The following TBC1D5 variants were observed in gnomAD, a reference collection of about 807,000 sequenced individuals.
TBC1D5 encodes TBC1 domain family member 5.
A neutral mutation model predicts 100.3 loss-of-function variants in TBC1D5; 75 were observed. The observed-to-expected ratio is 0.75, with a 90% confidence interval of 0.62 to 0.91. The LOEUF (loss-of-function observed/expected upper bound fraction) is 0.91, where lower values mean the gene tolerates loss of function less well. Among genes scored for constraint, TBC1D5 ranks in the 40% least tolerant of loss-of-function variants. TBC1D5 has a pLI of 0.00. For synonymous variants in TBC1D5, 323 were observed against 325.6 expected (o/e 0.99, Z 0.09); for missense variants, 910 against 942.4 (o/e 0.97, Z 0.45).
intron 1 of TBC1D5, among the ~76,000 whole-genome samples, chr3:17,719,878 T>C (rs1190804362): frequency 6.6e-6 from 1 of 152,226 alleles, no homozygotes; most frequent in African/African-American, 2.4e-5. Context: ...GTGTCTTTTC[T>C]AATCCTATGT....
chr3:17,527,115 AGTTCGCATAT>A (rs1322158302), intron 2 of TBC1D5, among the ~76,000 whole-genome samples: 2 of 152,232 alleles, frequency 1.3e-5, no homozygotes, highest in Admixed American at 1.3e-4. Context: ...AAGGATAAAG[AGTTCGCATAT>A]CAAGTAGCAA....
At chr3:17,729,803 C>T (rs1251086794) in intron 1 of TBC1D5, among the ~76,000 whole-genome samples, 5 of 151,850 alleles carry the variant, frequency 3.3e-5, no homozygotes, top group East Asian at 3.9e-4. Context: ...ACAAAGGTCA[C>T]TTTTTAAAAT....
chr3:17,432,832 C>T (rs1559874446), intron 3 of TBC1D5, among the ~76,000 whole-genome samples: 1 of 152,174 alleles, frequency 6.6e-6, no homozygotes, highest in Non-Finnish European at 1.5e-5. Flanking sequence ...CAGAAAGCAG[C>T]ATGACATCAG....
At chr3:17,707,097 A>T (rs967193627) in intron 1 of TBC1D5, among the ~76,000 whole-genome samples, 1 of 152,002 alleles carries the variant, frequency 6.6e-6, no homozygotes, top group Non-Finnish European at 1.5e-5. Context: ...TATAAATGTA[A>T]TTTTCACCTA....
At chr3:17,352,232 C>T (rs1002767533) in intron 13 of TBC1D5, among the ~76,000 whole-genome samples, 2 of 151,972 alleles carry the variant, frequency 1.3e-5, no homozygotes, top group African/African-American at 4.8e-5. Context: ...AAGATGTTAT[C>T]GGGGCATTAT....
chr3:17,694,801 T>A (rs1162481789), intron 1 of TBC1D5, among the ~76,000 whole-genome samples: 1 of 152,142 alleles, frequency 6.6e-6, no homozygotes, highest in Non-Finnish European at 1.5e-5. Context: ...ATTGTCAGAT[T>A]CACTAAGGTT....
At chr3:17,705,692 C>T (rs1270046469) in intron 1 of TBC1D5, among the ~76,000 whole-genome samples, 4 of 137,650 alleles carry the variant, frequency 2.9e-5, no homozygotes, top group African/African-American at 8.2e-5. Context: ...GATGTGATGG[C>T]GGCTGGGAAG....
At chr3:17,441,740 T>C (rs1053724882) in intron 3 of TBC1D5, among the ~76,000 whole-genome samples, 4 of 152,264 alleles carry the variant, frequency 2.6e-5, no homozygotes, top group African/African-American at 9.6e-5. Context: ...ATCATTTCAA[T>C]GGTGGTAAAA....
intron 18 of TBC1D5, among the ~76,000 whole-genome samples, chr3:17,213,012 T>A (rs1441578637): frequency 6.6e-6 from 1 of 152,178 alleles, no homozygotes; most frequent in Non-Finnish European, 1.5e-5. Flanking sequence ...ATTCACTCAC[T>A]GCTCACTCAC....
chr3:17,612,293 C>T (rs1455706186), intron 2 of TBC1D5, among the ~76,000 whole-genome samples: 23 of 142,356 alleles, frequency 1.6e-4, no homozygotes, highest in Admixed American at 1.3e-3. Flanking sequence ...GACTAAGACA[C>T]CGTCTCAAAA....
At chr3:17,646,955 A>G (rs962513304) in intron 1 of TBC1D5, 1 of 152,084 alleles carries the variant, frequency 6.6e-6, no homozygotes, top group East Asian at 1.9e-4. Flanking sequence ...GTCCATGCAT[A>G]CATACCCACT....
chr3:17,597,312 T>C (rs1199693495), intron 2 of TBC1D5, among the ~76,000 whole-genome samples: 3 of 152,180 alleles, frequency 2.0e-5, no homozygotes, highest in Non-Finnish European at 4.4e-5. Flanking sequence ...TTGATATTTA[T>C]ATGGAGTATC....
upstream of TBC1D5, among the ~76,000 whole-genome samples, chr3:17,742,128 A>C (rs909082144): frequency 1.3e-5 from 2 of 152,144 alleles, no homozygotes; most frequent in African/African-American, 2.4e-5. Flanking sequence ...GGGGCAGGGA[A>C]AGCAGGCAGA....
rs149535626 is a variant in TBC1D5, at chr3:17,532,949, C to T, written c.-35-24344G>A. ...CATGTATACATATGTAACAAACCTG[C>T]ACGTTGTGCACATGTACCCTAAAAC... On this transcript the variant is annotated intron_variant, in intron 2 of 21. Coordinates refer to ENST00000253692, the Ensembl canonical transcript of TBC1D5. Among the ~76,000 whole-genome samples the T allele has an allele frequency of 4.9e-3, 738 of 151,846 alleles. 2 individuals are homozygous for T. Among genetic ancestry groups the T allele is most frequent in the African/African-American group, 0.017 (695 of 41,350 alleles).
intron 18 of TBC1D5, among the ~76,000 whole-genome samples, chr3:17,212,665 T>C (rs1264965834): frequency 6.6e-6 from 1 of 152,106 alleles, no homozygotes; most frequent in African/African-American, 2.4e-5. Context: ...ATGATACTGA[T>C]GATCCTGACC....
chr3:17,470,391 C>G (rs1376741842), intron 3 of TBC1D5, among the ~76,000 whole-genome samples: 3 of 152,066 alleles, frequency 2.0e-5, no homozygotes, highest in Non-Finnish European at 4.4e-5. Flanking sequence ...AATAAAAACA[C>G]TATATGCAAA....
intron 18 of TBC1D5, among the ~76,000 whole-genome samples, chr3:17,186,999 T>C (rs1318079914): frequency 6.6e-6 from 1 of 152,144 alleles, no homozygotes; most frequent in African/African-American, 2.4e-5. Flanking sequence ...TAGACAAGGA[T>C]GGGGCATTTC....
intron 2 of TBC1D5, among the ~76,000 whole-genome samples, chr3:17,540,014 T>C (rs2096332737): frequency 6.6e-6 from 1 of 152,238 alleles, no homozygotes; most frequent in African/African-American, 2.4e-5. Context: ...ATATTATTGT[T>C]TGATGTTGAT....
chr3:17,391,690 T>C (rs1040846457), intron 8 of TBC1D5, among the ~76,000 whole-genome samples: 2 of 151,336 alleles, frequency 1.3e-5, no homozygotes, highest in African/African-American at 4.9e-5. Flanking sequence ...CAAAAGACAA[T>C]CTGCAAAGAG....
Sources: allele counts gnomAD v4.1 joint callset (sites outside exome capture counted in the v4.1 genomes callset), GRCh38; gene constraint gnomAD v4.1.1; transcripts MANE v1.5; gene names NCBI Gene and HGNC (gene_info 2026-07-23, HGNC 2026-07-21).